Variants in AGBL3 observed in about 807,000 individuals in gnomAD.
The protein encoded by AGBL3 is cytosolic carboxypeptidase 3.
In AGBL3, 68 loss-of-function variants were observed where a neutral mutation model predicts 94.5. That is an observed-to-expected ratio of 0.72 (90% CI 0.59 to 0.88). The LOEUF (loss-of-function observed/expected upper bound fraction) is 0.88. Among genes scored for constraint, AGBL3 ranks in the 40% least tolerant of loss-of-function variants. AGBL3 has a pLI of 0.00. For missense variants in AGBL3, 934 were observed against 1,103.8 expected (o/e 0.85, Z 2.18); for synonymous variants, 354 against 370.7 (o/e 0.95, Z 0.52).
intron 15 of AGBL3, chr7:135,093,726 T>C (rs1822213987): frequency 6.6e-6 from 1 of 152,172 alleles, no homozygotes; most frequent in African/African-American, 2.4e-5. Flanking sequence ...AAATGTCAGC[T>C]ACCTTTTGTG....
intron 15 of AGBL3, among the ~76,000 whole-genome samples, chr7:135,086,615 CATTT>C (rs1257782034): frequency 6.6e-6 from 1 of 151,952 alleles, no homozygotes; most frequent in Non-Finnish European, 1.5e-5. Context: ...TGATGTATCA[CATTT>C]ATTAATGTAT....
At chr7:135,020,281 T>C (rs1293786080) in intron 5 of AGBL3, among the ~76,000 whole-genome samples, 1 of 152,088 alleles carries the variant, frequency 6.6e-6, no homozygotes, top group Non-Finnish European at 1.5e-5. Flanking sequence ...AAGGAGACAT[T>C]TATGCAGCCA....
At chr7:135,033,190 G>A (rs372654444) in intron 6 of AGBL3, among the ~76,000 whole-genome samples, 1 of 152,080 alleles carries the variant, frequency 6.6e-6, no homozygotes, top group Non-Finnish European at 1.5e-5. Context: ...AGTTAAGAAG[G>A]CTTCTGTACT....
intron 15 of AGBL3, among the ~76,000 whole-genome samples, chr7:135,098,628 C>G (rs1182900022): frequency 2.0e-5 from 3 of 152,074 alleles, no homozygotes; most frequent in African/African-American, 7.2e-5. Flanking sequence ...GTAATGTGGG[C>G]TTGATAAGAG....
Position 134,986,520 on chromosome 7 carries a change from C to CCT in AGBL3, c.-241_-240insCT, listed in dbSNP as rs1273969043. 3 of 152,352 alleles carry CCT rather than the reference C, an allele frequency of 2.0e-5. No homozygotes were observed. Among genetic ancestry groups the CCT allele is most frequent in the Non-Finnish European group, 2.9e-5 (2 of 68,138 alleles). 9.4% of individuals were successfully genotyped at this position (152,352 alleles called of 1,614,324 possible). A position where few individuals can be genotyped will look rare whatever the true frequency, so the allele number is the denominator to read the frequency against. On this transcript the variant is annotated 5_prime_UTR_variant, in exon 1 of 17. The change creates a premature stop within an existing upstream ORF in the 5' untranslated region. Coordinates refer to ENST00000436302, the MANE Select transcript of AGBL3 (RefSeq NM_178563.4). ...CGAGGGCGGACCCGTTGCCTGATGA[C>CCT]GAGAGTTGGGAGTGTGGCTGGGGCT... is the stretch of plus-strand genomic sequence containing the variant.
At chr7:135,078,233 G>A (rs1820633849) in intron 13 of AGBL3, among the ~76,000 whole-genome samples, 1 of 152,152 alleles carries the variant, frequency 6.6e-6, no homozygotes, top group African/African-American at 2.4e-5. Context: ...AGAGAGCCCT[G>A]CCTTAGCACT....
At chr7:135,125,238 A>G (rs1001972937) in intron 16 of AGBL3, among the ~76,000 whole-genome samples, 3 of 152,208 alleles carry the variant, frequency 2.0e-5, no homozygotes, top group African/African-American at 7.2e-5. Context: ...ACAGAAATAT[A>G]AACTACCATC....
intron 11 of AGBL3, among the ~76,000 whole-genome samples, chr7:135,052,444 G>C (rs1012715430): frequency 6.6e-6 from 1 of 152,016 alleles, no homozygotes; most frequent in Non-Finnish European, 1.5e-5. Flanking sequence ...CCATAGATTC[G>C]GGGGGCTATA....
chr7:135,110,069 T>G (rs1286992555), intron 15 of AGBL3, among the ~76,000 whole-genome samples: 1 of 152,024 alleles, frequency 6.6e-6, no homozygotes, highest in African/African-American at 2.4e-5. Context: ...TGGCTAGGGC[T>G]GCAAAACAGC....
At chr7:135,058,942 A>C (rs1248274905) in intron 11 of AGBL3, among the ~76,000 whole-genome samples, 1 of 152,154 alleles carries the variant, frequency 6.6e-6, no homozygotes, top group African/African-American at 2.4e-5. Flanking sequence ...TTTTTAGCAG[A>C]GACAGGGTTT....
chr7:135,134,145 T>A (rs1368532719), intron 16 of AGBL3, among the ~76,000 whole-genome samples: 1 of 152,134 alleles, frequency 6.6e-6, no homozygotes, highest in East Asian at 1.9e-4. Context: ...CTTGACTACA[T>A]CAATGTCAAT....
chr7:135,036,758 A>G (rs1337349584), intron 7 of AGBL3, among the ~76,000 whole-genome samples: 1 of 152,226 alleles, frequency 6.6e-6, no homozygotes, highest in Non-Finnish European at 1.5e-5. Flanking sequence ...ATTTACATTT[A>G]CAAAGATAGA....
At chr7:135,025,264 C>T (rs10273390) in intron 5 of AGBL3, among the ~76,000 whole-genome samples, 72,115 of 151,194 alleles carry the variant, frequency 0.48, 18,045 homozygotes, top group South Asian at 0.62. Flanking sequence ...TCCAGCTAGC[C>T]GTGAACCTTT....
At position 135,037,587 on chromosome 7, in the gene AGBL3, A is replaced by T. The variant is rs915814721; in HGVS notation, c.1500+7A>T. 1 of 1,535,288 alleles carries T rather than the reference A, an allele frequency of 6.5e-7. No homozygotes were observed. On this transcript the variant is annotated splice_region_variant and intron_variant, in intron 8 of 16. Coordinates refer to ENST00000436302, the MANE Select transcript of AGBL3 (RefSeq NM_178563.4). ...CAAAAATTGTCCAGATAAAGTAAGC[A>T]CCTTTTAAGGTATTAACTTTTCCTT...
chr7:135,066,441 C>A (rs76880441), intron 12 of AGBL3, among the ~76,000 whole-genome samples: 3 of 152,106 alleles, frequency 2.0e-5, no homozygotes, highest in Admixed American at 6.5e-5. Context: ...TCATCTCACA[C>A]CTGCTTGGTC....
At position 135,134,822 on chromosome 7, in the gene AGBL3, TATTTC is replaced by T. The variant is rs1056313149; in HGVS notation, c.2343-13_2343-9del. 3.9e-6 allele frequency: 6 copies of T among 1,544,326 alleles called. No homozygotes were observed. The highest frequency in any genetic ancestry group is 2.4e-5 in the South Asian group (2 of 83,648). ...GGTCCATGATGGACAAAAATTCACG[TATTTC>T]ATTTCTTTTCTAGACTAAATCCGGC... On this transcript the variant is annotated splice_polypyrimidine_tract_variant and intron_variant, in intron 16 of 16. Coordinates refer to ENST00000436302, the MANE Select transcript of AGBL3 (RefSeq NM_178563.4).
intron 11 of AGBL3, among the ~76,000 whole-genome samples, chr7:135,055,345 C>T (rs1818248522): frequency 6.6e-6 from 1 of 152,162 alleles, no homozygotes; most frequent in South Asian, 2.1e-4. Flanking sequence ...AGAAGACATC[C>T]TTATCCTGTC....
At chr7:134,989,380 C>CT in intron 3 of AGBL3, 70 bp downstream of exon 3, 2 of 1,082,702 alleles carry the variant, frequency 1.8e-6, no homozygotes, top group South Asian at 3.1e-5. Context: ...GATGAGGAAA[C>CT]TAAAAAGTCA....
intron 9 of AGBL3, 61 bp downstream of exon 9, chr7:135,044,212 A>G (rs893976846): frequency 1.4e-6 from 2 of 1,476,470 alleles, no homozygotes; most frequent in Non-Finnish European, 1.8e-6. Context: ...GTATAATTTA[A>G]TGTAAATGTA....
Sources: allele counts gnomAD v4.1 joint callset (sites outside exome capture counted in the v4.1 genomes callset), GRCh38; gene constraint gnomAD v4.1.1; transcripts MANE v1.5; gene names NCBI Gene and HGNC (gene_info 2026-07-23, HGNC 2026-07-21).